RRBP1: variants seen among roughly 807,000 people sequenced by gnomAD.
RRBP1 encodes the protein ribosome binding protein 1.
Under a neutral mutation model 165.2 loss-of-function variants are expected in RRBP1, and 94 were observed. The ratio of observed to expected loss-of-function variants is 0.57; its 90% CI spans 0.48 to 0.68. The LOEUF is 0.68. Among genes scored for constraint, RRBP1 ranks in the 30% least tolerant of loss-of-function variants. The probability of loss-of-function intolerance (pLI) is 0.00; values close to 1 mark genes in which losing one functional copy is unlikely to be tolerated. For missense variants in RRBP1, 1,676 were observed against 1,763.0 expected, an observed-to-expected ratio of 0.95 and a Z score of 0.88; for synonymous variants, 680 against 714.5, an observed-to-expected ratio of 0.95 and a Z score of 0.77.
chr20:17,634,669 A>G (rs1404269706), intron 7 of RRBP1, among the ~76,000 whole-genome samples: 1 of 152,272 alleles, frequency 6.6e-6, no homozygotes, highest in Non-Finnish European at 1.5e-5. Flanking sequence ...AGGAGGCCAC[A>G]GCAGATCCTA....
At chr20:17,631,075 G>A (rs1167629318) in intron 8 of RRBP1, among the ~76,000 whole-genome samples, 2 of 152,256 alleles carry the variant, frequency 1.3e-5, no homozygotes, top group Non-Finnish European at 2.9e-5. Flanking sequence ...GATGGGCAGT[G>A]CTTTCTGCAT....
At chr20:17,641,695 G>A in intron 5 of RRBP1, 102 bp downstream of exon 5, 1 of 1,408,882 alleles carries the variant, frequency 7.1e-7, no homozygotes. Flanking sequence ...TACGTTCCAG[G>A]CAGGCCCCAG....
intron 2 of RRBP1, among the ~76,000 whole-genome samples, chr20:17,664,446 T>C (rs1345109395): frequency 1.3e-5 from 2 of 152,220 alleles, no homozygotes; most frequent in Non-Finnish European, 2.9e-5. Flanking sequence ...GGGACTACGA[T>C]ATTGCTAACA....
At chr20:17,632,212 A>G (rs1302299742) in intron 8 of RRBP1, among the ~76,000 whole-genome samples, 3 of 152,172 alleles carry the variant, frequency 2.0e-5, no homozygotes, top group African/African-American at 7.2e-5. Context: ...CAGACTGGAG[A>G]GCAGGGAATC....
In RRBP1 at chr20:17,646,155, C is replaced by G. The variant is rs1317318222; in HGVS notation, c.1913-3028G>C. On this transcript the variant is annotated intron_variant, in intron 3 of 24. Transcript: ENST00000377813. ...GGTGGCCTCTCCTGAGCTGGGTGGTCCTGGGCACGGCACTTCACCTCCAGG... is the reference window on the plus strand; with the variant it reads ...GGTGGCCTCTCCTGAGCTGGGTGGTGCTGGGCACGGCACTTCACCTCCAGG... Among the ~76,000 whole-genome samples the G allele has an allele frequency of 2.6e-5, 4 of 152,144 alleles. No individual in the cohort carries two copies. In the East Asian group the frequency reaches 7.7e-4, roughly 29 times the overall value.
At chr20:17,627,245 T>G (rs1236928587) in intron 11 of RRBP1, 103 bp downstream of exon 11, 4 of 1,178,894 alleles carry the variant, frequency 3.4e-6, no homozygotes, top group Non-Finnish European at 4.8e-6. Context: ...GGGGCTCTTC[T>G]GCAGAGGACC....
chr20:17,624,959 A>C (rs2035988774), intron 12 of RRBP1, among the ~76,000 whole-genome samples: 1 of 152,186 alleles, frequency 6.6e-6, no homozygotes, highest in Non-Finnish European at 1.5e-5. Flanking sequence ...TGTGTCCTCA[A>C]AGGGAAGAGG....
intron 18 of RRBP1, 133 bp from the exon 19 acceptor site, chr20:17,619,861 G>A: frequency 1.7e-6 from 1 of 601,502 alleles, no homozygotes; most frequent in Non-Finnish European, 2.9e-6. Context: ...CAGCTACCAA[G>A]CAAACGAGAA....
chr20:17,659,024 G>GC lies in RRBP1; in HGVS notation c.1483dup (p.Ala495GlyfsTer26), dbSNP rs2036700372. 1 of 1,579,618 alleles carries GC rather than the reference G, an allele frequency of 6.3e-7. No homozygotes were observed. Among genetic ancestry groups the GC allele is most frequent in the African/African-American group, 1.3e-5 (1 of 74,150 alleles). On this transcript the variant is annotated frameshift_variant, in exon 3 of 25. Coordinates refer to ENST00000377813, the MANE Select transcript of RRBP1 (RefSeq NM_001365613.2). LOFTEE classifies it high-confidence loss of function. ...CTCGGCCTTTTTGCCCTGGTTCTGA[G>GC]CCCCCTCGGCCTTCTTGCCCTGGTT...
intron 2 of RRBP1, among the ~76,000 whole-genome samples, chr20:17,664,943 C>T (rs2036840058): frequency 6.6e-6 from 1 of 152,156 alleles, no homozygotes; most frequent in African/African-American, 2.4e-5. Flanking sequence ...GAATCAACAG[C>T]TCCTAATTTT....
intron 12 of RRBP1, 144 bp downstream of exon 12, chr20:17,625,368 T>G: frequency 4.3e-6 from 3 of 699,398 alleles, no homozygotes; most frequent in Non-Finnish European, 7.3e-6. Flanking sequence ...CCCCACACCC[T>G]GGACCCCCAC....
In RRBP1 at chr20:17,659,704, C is replaced by A; in HGVS notation, c.804G>T (p.Gln268His). Residue 268 changes from glutamine to histidine, a missense_variant, in exon 3 of 25, where the codon CAG becomes CAT. Transcript: ENST00000377813. The stretch of plus-strand genomic sequence containing the variant: ...TTGGGGTTGTATCTACCTTTTTACC[C>A]TGGTTCTGGGCCCCCTCCGCCTTTT... ...QGKKAEGAQNQGKKVDTTPNQ... is the reference protein window; with the variant it reads ...QGKKAEGAQNHGKKVDTTPNQ... 6.4e-7 allele frequency: 1 copy of A among 1,550,638 alleles called. No homozygotes were observed. The highest frequency in any genetic ancestry group is 1.2e-5 in the South Asian group (1 of 84,052).
At position 17,615,980 on chromosome 20, in the gene RRBP1, G is replaced by A. The variant is rs768450325; in HGVS notation, c.3897C>T (p.Ala1299=). ...QLKTQLEWTE[A]ILEDEQTQRQ... is the part of the protein sequence containing the mutation. The stretch of plus-strand genomic sequence containing the variant: ...GCTGTGTCTGCTCATCCTCCAGGAT[G>A]GCTTCTGTCCACTCCAGCTGCGTCT... The change falls in exon 22 of 25, where the codon GCC becomes GCT. Residue 1299 remains alanine, a synonymous_variant. Transcript: ENST00000377813. 1 of 1,608,702 alleles carries A rather than the reference G, an allele frequency of 6.2e-7. No individual in the cohort carries two copies. Among genetic ancestry groups the A allele is most frequent in the South Asian group, 1.1e-5 (1 of 91,072 alleles).
intron 3 of RRBP1, among the ~76,000 whole-genome samples, chr20:17,649,076 G>A (rs1473007849): frequency 6.6e-6 from 1 of 152,054 alleles, no homozygotes; most frequent in African/African-American, 2.4e-5. Flanking sequence ...CTTCCCTAGG[G>A]GATGTTTTTG....
rs200081758 is a variant in RRBP1, at chr20:17,616,036, G to C, written c.3868-27C>G. On this transcript the variant is annotated intron_variant, in intron 21 of 24. Transcript: ENST00000377813. ...TGTGCAAACACCGCAAACATAACCC[G>C]GCAGCCCGGTGAGGAACCCTCCAGG... is the stretch of plus-strand genomic sequence containing the variant. The C allele has an allele frequency of 9.4e-6, 15 of 1,594,168 alleles. No homozygotes were observed. The South Asian group carries it at 1.2e-4, about 13-fold the overall frequency.
chr20:17,661,960 G>A (rs1219272306), intron 2 of RRBP1, among the ~76,000 whole-genome samples: 1 of 152,176 alleles, frequency 6.6e-6, no homozygotes, highest in Non-Finnish European at 1.5e-5. Context: ...TTGGCATTGT[G>A]TTCTAAGAAA....
chr20:17,620,413 G>T lies in RRBP1; in HGVS notation c.3508-43C>A, dbSNP rs772818847. Reference sequence around the variant, plus strand: ...GGCTCCGTCAGACACGAGCACCTGGGGGTGTCTCCTTCCGAGGCCATGCTA... The same window carrying T: ...GGCTCCGTCAGACACGAGCACCTGGTGGTGTCTCCTTCCGAGGCCATGCTA... On this transcript the variant is annotated intron_variant, in intron 17 of 24. Transcript: ENST00000377813. 3 of 1,534,952 alleles carry T rather than the reference G, an allele frequency of 2.0e-6. No homozygotes were observed. The African/African-American group carries it at 4.1e-5, about 21-fold the overall frequency.
intron 2 of RRBP1, among the ~76,000 whole-genome samples, chr20:17,675,479 A>AGGG (rs2122511997): frequency 6.7e-6 from 1 of 149,610 alleles, no homozygotes; most frequent in South Asian, 2.2e-4. Context: ...GGGGGAGATG[A>AGGG]CAAAGTCAGT....
chr20:17,633,675 GC>G (rs1792101967), intron 7 of RRBP1, 62 bp from the exon 8 acceptor site: 11 of 1,563,614 alleles, frequency 7.0e-6, no homozygotes, highest in Middle Eastern at 1.7e-4. Flanking sequence ...GGTGGTCCAA[GC>G]CCTCCCTCCA....
Sources: allele counts gnomAD v4.1 joint callset (sites outside exome capture counted in the v4.1 genomes callset), GRCh38; gene constraint gnomAD v4.1.1; transcripts MANE v1.5; gene names NCBI Gene and HGNC (gene_info 2026-07-23, HGNC 2026-07-21).